FBXL18: variants seen among roughly 807,000 people sequenced by gnomAD.
FBXL18 encodes F-box/LRR-repeat protein 18.
FBXL18 carries 36 observed loss-of-function variants against 46.0 expected under a neutral mutation model. That is an observed-to-expected ratio of 0.78 (90% CI 0.60 to 1.03). FBXL18 has a LOEUF of 1.03. Among genes scored for constraint, FBXL18 ranks in the 50% least tolerant of loss-of-function variants. The pLI is 0.00. For missense variants in FBXL18, 977 were observed against 1,004.1 expected (o/e 0.97, Z 0.36); for synonymous variants, 557 against 465.3 (o/e 1.20, Z -2.54).
At position 5,478,990 on chromosome 7, in the gene FBXL18, A is replaced by G. The variant is rs1490736181; in HGVS notation, c.*2785T>C. On this transcript the variant is annotated 3_prime_UTR_variant, in exon 5 of 5. Transcript: ENST00000382368. ...AGGGTGGGTTCTTTTCCCAGCATCA[A>G]ATGCTGCAGAATATAAATTGCAACT... is the stretch of plus-strand genomic sequence containing the variant. 2 of 152,230 alleles carry G rather than the reference A, an allele frequency of 1.3e-5. No individual in the cohort carries two copies. The highest frequency in any genetic ancestry group is 2.9e-5 in the Non-Finnish European group (2 of 68,048). The allele number at this position is 152,230 out of a possible 1,614,324, so 9.4% of individuals were successfully genotyped here. A position where few individuals can be genotyped will look rare whatever the true frequency, so the allele number is the denominator to read the frequency against.
At position 5,481,651 on chromosome 7, in the gene FBXL18, A is replaced by C. The variant is rs376163857; in HGVS notation, c.*124T>G. ...GGAGACGCCGGGAGCCCCAGGAGCC[A>C]GGTGGGGCGTGGCTGGCCGGGAGAG... is the stretch of plus-strand genomic sequence containing the variant. On this transcript the variant is annotated 3_prime_UTR_variant, in exon 5 of 5. Coordinates refer to ENST00000382368, the MANE Select transcript of FBXL18 (RefSeq NM_024963.6). 43 of 999,972 alleles carry C rather than the reference A, an allele frequency of 4.3e-5. No individual in the cohort carries two copies. The East Asian group carries it at 5.5e-4, about 13-fold the overall frequency. The allele number at this position is 999,972 out of a possible 1,614,324, so 61.9% of individuals were successfully genotyped here. A position where few individuals can be genotyped will look rare whatever the true frequency, so the allele number is the denominator to read the frequency against.
intron 4 of FBXL18, among the ~76,000 whole-genome samples, chr7:5,484,499 G>A (rs114507485): frequency 0.011 from 1,638 of 149,684 alleles, 34 homozygotes; most frequent in African/African-American, 0.039. Context: ...AGCTGCTGTC[G>A]GGACATGGAA....
At position 5,481,846 on chromosome 7, in the gene FBXL18, G is replaced by A; in HGVS notation, c.2086C>T (p.Leu696=). The A allele has an allele frequency of 6.2e-7, 1 of 1,613,802 alleles. No homozygotes were observed. Among genetic ancestry groups the A allele is most frequent in the South Asian group, 1.1e-5 (1 of 91,076 alleles). The part of the protein sequence containing the change: ...GLTDVIRDVP[L]VHLDEITLFK... ...AAGGTGATCTCATCCAGGTGCACCA[G>A]GGGGACGTCCCGGATGACGTCGGTC... is the stretch of plus-strand genomic sequence containing the variant. Residue 696 remains leucine (L), a synonymous_variant, in exon 5 of 5, where the codon CTG becomes TTG. Transcript: ENST00000382368.
intron 2 of FBXL18, among the ~76,000 whole-genome samples, chr7:5,502,729 G>A (rs1242302806): frequency 6.7e-6 from 1 of 150,042 alleles, no homozygotes; most frequent in Non-Finnish European, 1.5e-5. Context: ...TACTGGGGAG[G>A]AGGCAGGAGA....
intron 4 of FBXL18, chr7:5,489,048 G>GC (rs1461518810): frequency 3.3e-6 from 1 of 302,350 alleles, no homozygotes; most frequent in African/African-American, 2.2e-5. Flanking sequence ...CACCCAGGCT[G>GC]CCCCCCTGGT....
intron 1 of FBXL18, among the ~76,000 whole-genome samples, chr7:5,510,302 C>CAAAA (rs757878539): frequency 3.5e-4 from 27 of 77,550 alleles, no homozygotes; most frequent in South Asian, 8.6e-4. Context: ...GACTCTGTCT[C>CAAAA]AAAAAAAAAA....
At position 5,481,811 on chromosome 7, in the gene FBXL18, G is replaced by C; in HGVS notation, c.2121C>G (p.Ser707Arg). ...GGTTCGGCGGTTCCTCGGCCACTCT[G>C]CTCTTAAATAAGGTGATCTCATCCA... ...VHLDEITLFK[S>R]RVAEEPPNLW... Residue 707 changes from serine (S) to arginine (R), a missense_variant, in exon 5 of 5, where the codon AGC becomes AGG. Ser to Arg is a moderately radical substitution (Grantham distance 110, BLOSUM62 -1). Transcript: ENST00000382368. 1 of 1,613,642 alleles carries C rather than the reference G, an allele frequency of 6.2e-7. No homozygotes were observed. Among genetic ancestry groups the C allele is most frequent in the Non-Finnish European group, 8.5e-7 (1 of 1,179,980 alleles).
At chr7:5,457,929 G>T (rs371113495) in intron 4 of FBXL18, among the ~76,000 whole-genome samples, 63 of 152,244 alleles carry the variant, frequency 4.1e-4, no homozygotes, top group Non-Finnish European at 6.6e-4. Flanking sequence ...TTCTCTCAGC[G>T]AGAGCGCTGC....
At chr7:5,463,804 A>C (rs1331431835) in intron 4 of FBXL18, among the ~76,000 whole-genome samples, 2 of 138,830 alleles carry the variant, frequency 1.4e-5, no homozygotes, top group East Asian at 2.1e-4. Flanking sequence ...GCAGTAGTGC[A>C]GTCTCGGCTC....
At chr7:5,487,859 C>T (rs1035853175) in intron 4 of FBXL18, among the ~76,000 whole-genome samples, 8 of 105,420 alleles carry the variant, frequency 7.6e-5, no homozygotes, top group Admixed American at 6.1e-4. Context: ...TGCGGGACAT[C>T]GGAGGGGGAG....
intron 2 of FBXL18, among the ~76,000 whole-genome samples, chr7:5,502,541 A>G (rs1250266228): frequency 6.8e-6 from 1 of 148,026 alleles, no homozygotes. Context: ...TCTCAAAAAG[A>G]AAAAAAAGGC....
downstream of FBXL18, among the ~76,000 whole-genome samples, chr7:5,474,539 C>T (rs1489794961): frequency 6.6e-6 from 1 of 152,036 alleles, no homozygotes; most frequent in African/African-American, 2.4e-5. Context: ...TGCTCTCAAA[C>T]TCCTGGGCAC....
intron 4 of FBXL18, among the ~76,000 whole-genome samples, chr7:5,458,203 C>T (rs1052981465): frequency 5.9e-5 from 9 of 152,026 alleles, no homozygotes; most frequent in Non-Finnish European, 1.2e-4. Context: ...AACACAGCAG[C>T]GAACGGGCAG....
chr7:5,470,035 G>A (rs928321828), intron 4 of FBXL18, among the ~76,000 whole-genome samples: 6 of 152,116 alleles, frequency 3.9e-5, no homozygotes, highest in South Asian at 2.1e-4. Context: ...GCGTGGGGCC[G>A]TTGGACGAGT....
rs1325280395 is a variant in FBXL18, at chr7:5,481,625, T to G, written c.*150A>C. 2 of 777,712 alleles carry G rather than the reference T, an allele frequency of 2.6e-6. No individual in the cohort carries two copies. The highest frequency in any genetic ancestry group is 2.5e-5 in the East Asian group (1 of 40,552). The allele number at this position is 777,712 out of a possible 1,614,324, so 48.2% of individuals were successfully genotyped here. On this transcript the variant is annotated 3_prime_UTR_variant, in exon 5 of 5. Transcript: ENST00000382368. ...AGCAACAGTCCCCATGAGAGAGCCG[T>G]GGAGACGCCGGGAGCCCCAGGAGCC... is the stretch of plus-strand genomic sequence containing the variant.
chr7:5,467,914 C>A (rs1244111259), intron 4 of FBXL18, among the ~76,000 whole-genome samples: 1 of 152,042 alleles, frequency 6.6e-6, no homozygotes, highest in African/African-American at 2.4e-5. Context: ...GATGGAGGAA[C>A]CCAAGAGGCT....
downstream of FBXL18, among the ~76,000 whole-genome samples, chr7:5,473,522 G>A (rs1180928359): frequency 6.6e-6 from 1 of 152,176 alleles, no homozygotes; most frequent in African/African-American, 2.4e-5. Flanking sequence ...AACACTTTGG[G>A]AGGCCAAGGT....
intron 2 of FBXL18, among the ~76,000 whole-genome samples, chr7:5,503,041 T>G (rs1784307089): frequency 6.6e-6 from 1 of 152,164 alleles, no homozygotes; most frequent in Non-Finnish European, 1.5e-5. Flanking sequence ...GGTGGATGGA[T>G]GAATCAGATG....
chr7:5,473,988 G>A (rs1363687983), downstream of FBXL18, among the ~76,000 whole-genome samples: 1 of 151,912 alleles, frequency 6.6e-6, no homozygotes, highest in Non-Finnish European at 1.5e-5. Flanking sequence ...GTAGAGATGG[G>A]GTTTCACCAT....
Sources: gnomAD v4.1 joint callset for allele counts (sites outside exome capture counted in the v4.1 genomes callset) on GRCh38, gnomAD v4.1.1 for gene constraint, MANE v1.5 for transcripts, NCBI Gene and HGNC (gene_info 2026-07-23, HGNC 2026-07-21) for gene names.